MS4A6E: variants seen among roughly 807,000 people sequenced by gnomAD.
MS4A6E encodes membrane spanning 4-domains A6E, also known as membrane-spanning 4-domains subfamily A member 6E.
MS4A6E carries 8 observed loss-of-function variants against 13.2 expected under a neutral mutation model. The observed-to-expected ratio is 0.60, with a 90% CI of 0.35 to 1.09. MS4A6E has a LOEUF of 1.09. Ranked by LOEUF, MS4A6E falls within the 50% of genes least tolerant of loss-of-function variation. MS4A6E has a pLI of 0.02. For synonymous variants in MS4A6E, 72 were observed against 67.6 expected, an observed-to-expected ratio of 1.06 and a Z score of -0.32; for missense variants, 177 against 171.1, an observed-to-expected ratio of 1.03 and a Z score of -0.19.
downstream of MS4A6E, among the ~76,000 whole-genome samples, chr11:60,342,174 T>C (rs972681837): frequency 6.6e-4 from 21 of 31,782 alleles, no homozygotes; most frequent in Admixed American, 1.3e-3. Context: ...TGTGTGTGTG[T>C]GTGTGAGAGA....
At chr11:60,339,551 A>C (rs2085210227) in intron 3 of MS4A6E, among the ~76,000 whole-genome samples, 1 of 152,214 alleles carries the variant, frequency 6.6e-6, no homozygotes, top group African/African-American at 2.4e-5. Flanking sequence ...GGGAGCTATT[A>C]CGCCACTCTG....
chr11:60,345,440 C>A (rs1041832537), downstream of MS4A6E, among the ~76,000 whole-genome samples: 10 of 152,142 alleles, frequency 6.6e-5, no homozygotes, highest in African/African-American at 2.4e-4. Flanking sequence ...CTTTGAAAGA[C>A]GTCATTTAGA....
intron 1 of MS4A6E, among the ~76,000 whole-genome samples, chr11:60,333,885 G>C (rs946110992): frequency 6.6e-6 from 1 of 152,124 alleles, no homozygotes; most frequent in African/African-American, 2.4e-5. Context: ...GCTCTGCCAC[G>C]GGAACTTGGG....
In MS4A6E at chr11:60,330,165, T is replaced by G. The variant is rs1045025754; in HGVS notation, c.-15+2757T>G. On this transcript the variant is annotated intron_variant, in intron 1 of 4. Transcript: ENST00000684409. The stretch of plus-strand genomic sequence containing the variant: ...TTGATGGGGTTGTTTGTTTTTTTCT[T>G]GTAAGTTTGTTTAAGTTCCTTGTAG... Among the ~76,000 whole-genome samples, 3 of 149,486 alleles carry G rather than the reference T, an allele frequency of 2.0e-5. 1 individual carries two copies. The highest frequency in any genetic ancestry group is 4.4e-5 in the Non-Finnish European group (3 of 67,482).
At chr11:60,339,830 C>G (rs1327610420) in intron 3 of MS4A6E, 36 bp from the exon 4 acceptor site, 2 of 1,590,736 alleles carry the variant, frequency 1.3e-6, no homozygotes, top group East Asian at 2.2e-5. Flanking sequence ...TTCGGCTGAC[C>G]CAAGCATCAC....
intron 1 of MS4A6E, among the ~76,000 whole-genome samples, chr11:60,333,163 A>G (rs2085167790): frequency 6.6e-6 from 1 of 152,202 alleles, no homozygotes; most frequent in Non-Finnish European, 1.5e-5. Flanking sequence ...TGTGTTTTCA[A>G]CTGAGGACTT....
downstream of MS4A6E, among the ~76,000 whole-genome samples, chr11:60,342,478 G>C (rs973525345): frequency 3.6e-4 from 50 of 139,828 alleles, no homozygotes; most frequent in Non-Finnish European, 5.8e-4. Context: ...TCTGGGTTTG[G>C]GGCAAGATGA....
At chr11:60,330,884 G>T (rs980641641) in intron 1 of MS4A6E, among the ~76,000 whole-genome samples, 1 of 152,080 alleles carries the variant, frequency 6.6e-6, no homozygotes, top group Non-Finnish European at 1.5e-5. Flanking sequence ...ACACTTTCCC[G>T]ATTGCTTGTC....
intron 2 of MS4A6E, chr11:60,335,779 A>G (rs1310893470): frequency 3.1e-6 from 1 of 321,394 alleles, no homozygotes; most frequent in Non-Finnish European, 6.1e-6. Flanking sequence ...AAATGATAAT[A>G]GAGCTGTGAA....
chr11:60,340,467 T>C (rs1427486975), intron 4 of MS4A6E, among the ~76,000 whole-genome samples: 1 of 152,226 alleles, frequency 6.6e-6, no homozygotes, highest in Non-Finnish European at 1.5e-5. Flanking sequence ...TTTTAAAAGA[T>C]ATATTAAAAA....
rs145165394 is a variant in MS4A6E at position 60,330,958 on chromosome 11, T to C, written c.-15+3550T>C. 7.8e-3 allele frequency among the ~76,000 whole-genome samples: 1,194 copies of C among 152,334 alleles called. 8 individuals carry two copies. The highest frequency in any genetic ancestry group is 0.01 in the Non-Finnish European group (695 of 68,028). ...GTGGTGTTATTTCTGAGGACTCTGT[T>C]CTGTTCCATTGGTCTATATATCTTT... is the stretch of plus-strand genomic sequence containing the variant. On this transcript the variant is annotated intron_variant, in intron 1 of 4. Coordinates refer to ENST00000684409, the MANE Select transcript of MS4A6E (RefSeq NM_139249.4).
chr11:60,344,937 T>C (rs1420910914), downstream of MS4A6E, among the ~76,000 whole-genome samples: 1 of 152,116 alleles, frequency 6.6e-6, no homozygotes, highest in Non-Finnish European at 1.5e-5. Flanking sequence ...TTTTTGTTTT[T>C]TGTTTTTTGT....
intron 1 of MS4A6E, among the ~76,000 whole-genome samples, 130 bp downstream of exon 1, chr11:60,327,538 GA>G (rs1194153529): frequency 6.6e-6 from 1 of 152,194 alleles, no homozygotes; most frequent in Non-Finnish European, 1.5e-5. Flanking sequence ...TAAAAATGTG[GA>G]AGTGGCATTG....
chr11:60,343,427 A>G (rs1045307801), downstream of MS4A6E, among the ~76,000 whole-genome samples: 11 of 152,346 alleles, frequency 7.2e-5, no homozygotes, highest in Non-Finnish European at 1.6e-4. Context: ...GAATTTTCCA[A>G]CCGGAATTCC....
chr11:60,333,533 A>G (rs1324348652), intron 1 of MS4A6E, among the ~76,000 whole-genome samples: 1 of 152,208 alleles, frequency 6.6e-6, no homozygotes, highest in East Asian at 1.9e-4. Flanking sequence ...TAAATAAGAG[A>G]AGGACACATG....
chr11:60,343,664 G>A (rs912225686), downstream of MS4A6E, among the ~76,000 whole-genome samples: 1 of 152,230 alleles, frequency 6.6e-6, no homozygotes, highest in African/African-American at 2.4e-5. Context: ...TGCGAATCTC[G>A]AGAGGAAATG....
In MS4A6E at chr11:60,340,089, ATT is replaced by A; in HGVS notation, c.*9+127_*9+128del. ...AGTCATGAGATACACATGGGAGGTCATTTAAATGGTGATGGAAGACCGAGAAG... is the reference window on the plus strand; with the variant it reads ...AGTCATGAGATACACATGGGAGGTCATAAATGGTGATGGAAGACCGAGAAG... On this transcript the variant is annotated intron_variant, in intron 4 of 4. Coordinates refer to ENST00000684409, the MANE Select transcript of MS4A6E (RefSeq NM_139249.4). The A allele has an allele frequency of 5.7e-6, 8 of 1,412,940 alleles. No individual in the cohort carries two copies. The South Asian group carries it at 1.0e-4, about 18-fold the overall frequency. 87.5% of individuals were successfully genotyped at this position (1,412,940 alleles called of 1,614,324 possible). A position where few individuals can be genotyped will look rare whatever the true frequency, so the allele number is the denominator to read the frequency against.
At chr11:60,329,354 T>C (rs891314291) in intron 1 of MS4A6E, among the ~76,000 whole-genome samples, 4 of 152,220 alleles carry the variant, frequency 2.6e-5, no homozygotes, top group East Asian at 1.9e-4. Flanking sequence ...TAGTATTCCA[T>C]AGTATATATG....
At chr11:60,344,634 T>C (rs1209653415), downstream of MS4A6E, among the ~76,000 whole-genome samples, 1 of 152,130 alleles carries the variant, frequency 6.6e-6, no homozygotes, top group Non-Finnish European at 1.5e-5. Flanking sequence ...AGCTGGAAAA[T>C]ATACACTTGA....
Sources: gnomAD v4.1 joint callset for allele counts (sites outside exome capture counted in the v4.1 genomes callset) on GRCh38, gnomAD v4.1.1 for gene constraint, MANE v1.5 for transcripts, NCBI Gene and HGNC (gene_info 2026-07-23, HGNC 2026-07-21) for gene names.